The following NADK variants were observed in gnomAD, a reference collection of about 807,000 sequenced individuals.
NADK encodes NAD kinase.
Under a neutral mutation model 49.8 loss-of-function variants are expected in NADK, and 22 were observed. The ratio of observed to expected loss-of-function variants is 0.44; its 90% CI spans 0.32 to 0.63. The LOEUF is 0.63. Ranked by LOEUF, NADK falls within the 30% of genes least tolerant of loss-of-function variation. The probability of loss-of-function intolerance (pLI) is 0.06; values close to 1 mark genes in which losing one functional copy is unlikely to be tolerated. For missense variants in NADK, 438 were observed against 609.4 expected, an observed-to-expected ratio of 0.72 and a Z score of 2.96; for synonymous variants, 268 against 253.7, an observed-to-expected ratio of 1.06 and a Z score of -0.54.
At chr1:1,779,337 A>C (rs980702811), upstream of NADK, 4 of 152,308 alleles carry the variant, frequency 2.6e-5, no homozygotes, top group African/African-American at 9.7e-5. Flanking sequence ...CACTTGCTGA[A>C]CTGGTGGCTG....
intron 2 of NADK, among the ~76,000 whole-genome samples, chr1:1,764,873 C>G (rs1645836120): frequency 6.6e-6 from 1 of 152,230 alleles, no homozygotes. Flanking sequence ...TGCACTCCAG[C>G]TTGGGGGACA....
At position 1,753,020 on chromosome 1, in the gene NADK, A is replaced by C; in HGVS notation, c.1225T>G (p.Cys409Gly). 1 of 1,610,902 alleles carries C rather than the reference A, an allele frequency of 6.2e-7. No individual in the cohort carries two copies. ...TTSCYPLPSI[C>G]VRDPVSDWFE... ...CAGTCGCTCACGGGGTCCCGCACAC[A>C]GATGGAGGGGAGCGGGTAGCATGAG... Residue 409 changes from cysteine to glycine, a missense_variant, in exon 12 of 12, where the codon TGT (cysteine) becomes GGT (glycine). By Grantham distance (159) the Cys-to-Gly change is radical. Transcript: ENST00000341426.
intron 3 of NADK, 51 bp from the exon 4 acceptor site, chr1:1,757,361 GA>G: frequency 2.7e-6 from 4 of 1,477,870 alleles, no homozygotes; most frequent in Non-Finnish European, 2.8e-6. Context: ...CCCTCTTGCG[GA>G]AAAGGTGTAT....
chr1:1,765,157 T>C, intron 2 of NADK, 71 bp downstream of exon 2: 1 of 1,423,582 alleles, frequency 7.0e-7, no homozygotes, highest in Non-Finnish European at 9.4e-7. Context: ...GAATTCTTCA[T>C]AATCGTTTTA....
rs1450504635 is a variant in NADK, at chr1:1,754,608, C to G, written c.779G>C (p.Gly260Ala). 1 of 1,613,872 alleles carries G rather than the reference C, an allele frequency of 6.2e-7. No homozygotes were observed. The highest frequency in any genetic ancestry group is 8.5e-7 in the Non-Finnish European group (1 of 1,179,926). The change falls in exon 8 of 12, where the codon GGT (glycine) becomes GCT (alanine). Residue 260 changes from glycine (G) to alanine (A), a missense_variant. Transcript: ENST00000341426. This position sits in a 1 kb window ranked among gnomAD's most constrained non-coding sequence, Gnocchi z 4.3. ...GCCTGCAGCCTGCGAGCCGTTCTCA[C>G]CCAGCCCATTGTGCACGGCCGTCTT... is the stretch of plus-strand genomic sequence containing the variant. ...GKKTAVHNGL[G>A]ENGSQAAGLD...
intron 2 of NADK, among the ~76,000 whole-genome samples, chr1:1,764,451 T>G (rs1370532103): frequency 6.6e-6 from 1 of 152,188 alleles, no homozygotes; most frequent in African/African-American, 2.4e-5. Context: ...AGGGAGCCAC[T>G]TGCCCAACAT....
chr1:1,766,516 C>A (rs548195652), intron 1 of NADK, among the ~76,000 whole-genome samples: 3 of 147,352 alleles, frequency 2.0e-5, no homozygotes, highest in African/African-American at 5.0e-5. Flanking sequence ...ATTTCAAATA[C>A]CCTAGTCCAG....
Position 1,751,683 on chromosome 1 carries a change from AGAG to A in NADK, c.*1218_*1220del, listed in dbSNP as rs1645331598. On this transcript the variant is annotated 3_prime_UTR_variant, in exon 12 of 12. Coordinates refer to ENST00000341426, the MANE Select transcript of NADK (RefSeq NM_023018.5). Reference sequence around the variant, plus strand: ...CGGCTGCGGGAAGCTCCTCACGGGCAGAGGAGAACGTCTTGTGCCTTCCTTATC... The same window carrying A: ...CGGCTGCGGGAAGCTCCTCACGGGCAGAGAACGTCTTGTGCCTTCCTTATC... 6.7e-6 allele frequency: 1 copy of A among 149,938 alleles called. No individual in the cohort carries two copies. The highest frequency in any genetic ancestry group is 1.5e-5 in the Non-Finnish European group (1 of 67,526). 9.3% of individuals were successfully genotyped at this position (149,938 alleles called of 1,614,324 possible). A position where few individuals can be genotyped will look rare whatever the true frequency, so the allele number is the denominator to read the frequency against.
At position 1,757,031 on chromosome 1, in the gene NADK, G is replaced by A; in HGVS notation, c.393+150C>T. The A allele has an allele frequency of 2.4e-6, 3 of 1,230,794 alleles. No individual in the cohort carries two copies. In the South Asian group the frequency reaches 3.9e-5, roughly 16 times the overall value. 76.2% of individuals were successfully genotyped at this position (1,230,794 alleles called of 1,614,324 possible). A position where few individuals can be genotyped will look rare whatever the true frequency, so the allele number is the denominator to read the frequency against. ...GCGGCACACACAAACCCAGACACCC[G>A]GCAGATCCCCACTCAGTCCCCAGTT... On this transcript the variant is annotated intron_variant, in intron 4 of 11. Coordinates refer to ENST00000341426, the MANE Select transcript of NADK (RefSeq NM_023018.5).
rs571242086 is a variant in NADK at position 1,768,269 on chromosome 1, G to A, written c.-40-2823C>T. 1.8e-4 allele frequency among the ~76,000 whole-genome samples: 28 copies of A among 152,180 alleles called. No homozygotes were observed. In the East Asian group the frequency reaches 5.2e-3, roughly 28 times the overall value. On this transcript the variant is annotated intron_variant, in intron 1 of 11. Coordinates refer to ENST00000341426, the MANE Select transcript of NADK (RefSeq NM_023018.5). ...GAAGAGACACCAGGCTAGGCACGGTGGCTCACTCATGTAATCCCAGGGCTT... is the reference window on the plus strand; with the variant it reads ...GAAGAGACACCAGGCTAGGCACGGTAGCTCACTCATGTAATCCCAGGGCTT...
At chr1:1,756,908 C>T in intron 4 of NADK, 1 of 808,542 alleles carries the variant, frequency 1.2e-6, no homozygotes. Flanking sequence ...AGCAGGAAGG[C>T]CCACGTCAGA....
chr1:1,763,809 G>A (rs1037751400), intron 2 of NADK, among the ~76,000 whole-genome samples: 14 of 151,998 alleles, frequency 9.2e-5, no homozygotes, highest in African/African-American at 3.1e-4. Context: ...CCCTGAAGGC[G>A]CCTGTCACTC....
chr1:1,764,319 G>A (rs1034108844), intron 2 of NADK, among the ~76,000 whole-genome samples: 15 of 152,188 alleles, frequency 9.9e-5, no homozygotes, highest in African/African-American at 3.6e-4. Flanking sequence ...CCAGAACCGA[G>A]AGCACCATCC....
rs775948949 is a variant in NADK at position 1,754,130 on chromosome 1, G to A, written c.1022C>T (p.Pro341Leu). ...AGASMIHPNV[P>L]AIMITPICPH... Reference sequence around the variant, plus strand: ...GCAGATGGGCGTGATCATGATGGCCGGCACGTTGGGGTGGATCATGGAGGC... The same window carrying A: ...GCAGATGGGCGTGATCATGATGGCCAGCACGTTGGGGTGGATCATGGAGGC... Residue 341 changes from proline (P) to leucine (L), a missense_variant, in exon 10 of 12, where the codon CCG becomes CTG. Coordinates refer to ENST00000341426, the MANE Select transcript of NADK (RefSeq NM_023018.5). The surrounding 1 kb of genome is among the most constrained non-coding windows in gnomAD (Gnocchi z 4.3). 8.1e-6 allele frequency: 13 copies of A among 1,611,156 alleles called. No homozygotes were observed. In the East Asian group the frequency reaches 2.0e-4, roughly 25 times the overall value.
chr1:1,759,942 G>C, intron 3 of NADK: 4 of 1,547,000 alleles, frequency 2.6e-6, no homozygotes, highest in Non-Finnish European at 1.7e-6. Flanking sequence ...ACCAGGCAGC[G>C]GGGGAGAGGC....
intron 3 of NADK, among the ~76,000 whole-genome samples, chr1:1,760,931 G>A (rs559767187): frequency 6.6e-6 from 1 of 152,136 alleles, no homozygotes; most frequent in African/African-American, 2.4e-5. Context: ...CCAGGTTCAG[G>A]TGATCCTCCC....
intron 1 of NADK, among the ~76,000 whole-genome samples, chr1:1,766,560 T>C (rs369029525): frequency 2.0e-5 from 3 of 151,782 alleles, no homozygotes; most frequent in East Asian, 3.9e-4. Flanking sequence ...CCAGCAGATA[T>C]GTTGTGAACT....
rs995336150 is a variant in NADK, at chr1:1,766,101, CA to C, written c.-40-656del. 7.5e-5 allele frequency among the ~76,000 whole-genome samples: 11 copies of C among 147,146 alleles called. No homozygotes were observed. The East Asian group carries it at 7.8e-4, about 10-fold the overall frequency. On this transcript the variant is annotated intron_variant, in intron 1 of 11. Transcript: ENST00000341426. ...TGGGCAACAAAGAACTCTTCTCTAG[CA>C]AAAAAAAAATTAGCCGGGCATGGTA...
chr1:1,776,574 G>T (rs1365170658), intron 1 of NADK, among the ~76,000 whole-genome samples: 2 of 152,090 alleles, frequency 1.3e-5, no homozygotes, highest in Admixed American at 1.3e-4. Context: ...AGGAGTTCGA[G>T]ACAAGCCTGG....
Sources: allele counts gnomAD v4.1 joint callset (sites outside exome capture counted in the v4.1 genomes callset), GRCh38; gene constraint gnomAD v4.1.1; non-coding constraint Gnocchi (gnomAD v3.1); transcripts MANE v1.5; gene names NCBI Gene and HGNC (gene_info 2026-07-23, HGNC 2026-07-21).